The following BAHCC1 variants were observed in gnomAD, a reference collection of about 807,000 sequenced individuals.
BAHCC1 encodes BAH domain and coiled-coil containing 1, also known as BAH and coiled-coil domain-containing protein 1.
In BAHCC1, 43 loss-of-function variants were observed where a neutral mutation model predicts 88.2. That is an observed-to-expected ratio of 0.49 (90% CI 0.38 to 0.63). BAHCC1 has a LOEUF of 0.63. BAHCC1 is among the 20% of genes least tolerant of loss of function. The pLI, the probability that BAHCC1 is intolerant of heterozygous loss-of-function variation, is 0.00. For synonymous variants in BAHCC1, 1,510 were observed against 745.5 expected (o/e 2.03, Z -16.71); for missense variants, 3,023 against 1,654.8 (o/e 1.83, Z -14.34).
intron 3 of BAHCC1, among the ~76,000 whole-genome samples, chr17:81,427,421 C>T (rs1598474024): frequency 6.6e-6 from 1 of 152,158 alleles, no homozygotes; most frequent in Non-Finnish European, 1.5e-5. Flanking sequence ...AGGCTGCCAC[C>T]CAGGGGCCTG....
intron 2 of BAHCC1, among the ~76,000 whole-genome samples, chr17:81,424,702 G>A (rs376504572): frequency 6.6e-6 from 1 of 151,696 alleles, no homozygotes; most frequent in African/African-American, 2.4e-5. Flanking sequence ...GATGTGGTTG[G>A]TGATGATAAT....
chr17:81,438,969 C>G (rs1304308013), intron 4 of BAHCC1, among the ~76,000 whole-genome samples: 2 of 152,100 alleles, frequency 1.3e-5, no homozygotes, highest in East Asian at 3.9e-4. Context: ...CAGCCCCCAG[C>G]CCCCAGCCCC....
chr17:81,422,849 G>T, intron 2 of BAHCC1: 1 of 375,748 alleles, frequency 2.7e-6, no homozygotes, highest in East Asian at 1.0e-4. Context: ...GGGGTGGGAA[G>T]GCCTGGGGGA....
intron 2 of BAHCC1, among the ~76,000 whole-genome samples, chr17:81,418,881 C>G (rs1415589471): frequency 6.6e-6 from 1 of 151,490 alleles, no homozygotes; most frequent in South Asian, 2.1e-4. Flanking sequence ...TGTGTACACC[C>G]ATAGTCACGT....
chr17:81,455,207 G>A (rs1304075907), intron 14 of BAHCC1, 60 bp from the exon 15 acceptor site: 6 of 695,424 alleles, frequency 8.6e-6, no homozygotes, highest in Non-Finnish European at 1.6e-5. Flanking sequence ...GACAGTAGGG[G>A]GACAAGGCTG....
In BAHCC1 at chr17:81,452,009, G is replaced by A. The variant is rs782800762; in HGVS notation, c.4218G>A (p.Thr1406=). 2.5e-5 allele frequency: 16 copies of A among 637,714 alleles called. No homozygotes were observed. The highest frequency in any genetic ancestry group is 8.2e-5 in the East Asian group (3 of 36,410). 39.5% of individuals were successfully genotyped at this position (637,714 alleles called of 1,614,324 possible). The change falls in exon 13 of 28, where the codon ACG becomes ACA. Residue 1406 remains threonine (T), a synonymous_variant. Coordinates refer to ENST00000675386, the MANE Select transcript of BAHCC1 (RefSeq NM_001377448.1). ...AGGCCGCCATCGACCGGCTGGACAC[G>A]CAGGAGGTGGGGATGCGCGTGCGGC... is the stretch of plus-strand genomic sequence containing the variant. The part of the protein sequence containing the change: ...PLKAAIDRLD[T]QEVGMRVRLA...
chr17:81,446,633 C>T (rs574989108), intron 10 of BAHCC1: 6 of 353,216 alleles, frequency 1.7e-5, no homozygotes, highest in African/African-American at 6.5e-5. Context: ...ACTGCAGCCT[C>T]GGCCTCCTGG....
At chr17:81,421,843 CT>C (rs1373814377) in intron 2 of BAHCC1, 13 of 233,044 alleles carry the variant, frequency 5.6e-5, no homozygotes, top group African/African-American at 3.1e-4. Flanking sequence ...ATGGTAGGGT[CT>C]CTCATGGTAG....
rs2064315198 is a variant in BAHCC1 at position 81,434,887 on chromosome 17, T to C, written c.359-3483T>C. Reference sequence around the variant, plus strand: ...CGCAGGAGGGATGAGGGGGATGAGGTACCTGGAGTGGGGGTGCCCGTCAGG... The same window carrying C: ...CGCAGGAGGGATGAGGGGGATGAGGCACCTGGAGTGGGGGTGCCCGTCAGG... On this transcript the variant is annotated intron_variant, in intron 3 of 27. Transcript: ENST00000675386. This position sits in a 1 kb window ranked among gnomAD's most constrained non-coding sequence, Gnocchi z 4.9. Among the ~76,000 whole-genome samples the C allele has an allele frequency of 6.6e-6, 1 of 151,592 alleles. No individual in the cohort carries two copies. The highest frequency in any genetic ancestry group is 2.1e-4 in the South Asian group (1 of 4,824).
At position 81,436,416 on chromosome 17, in the gene BAHCC1, G is replaced by A. The variant is rs183383767; in HGVS notation, c.359-1954G>A. 3.7e-3 allele frequency among the ~76,000 whole-genome samples: 561 copies of A among 152,350 alleles called. 5 individuals carry two copies. Among genetic ancestry groups the A allele is most frequent in the African/African-American group, 0.013 (534 of 41,582 alleles). On this transcript the variant is annotated intron_variant, in intron 3 of 27. Coordinates refer to ENST00000675386, the MANE Select transcript of BAHCC1 (RefSeq NM_001377448.1). ...GGGCTGGAGGCCTGGACCTCTGGAG[G>A]GGGGACCGGGGCTCCGTGCCTGGGA...
intron 1 of BAHCC1, among the ~76,000 whole-genome samples, chr17:81,398,974 C>T (rs782227386): frequency 1.6e-4 from 24 of 151,292 alleles, no homozygotes; most frequent in Non-Finnish European, 2.7e-4. Flanking sequence ...AATAAAATTA[C>T]TCGCTTAATT....
At chr17:81,408,080 C>A (rs2063903395) in intron 2 of BAHCC1, among the ~76,000 whole-genome samples, 1 of 152,232 alleles carries the variant, frequency 6.6e-6, no homozygotes. Context: ...CCTTCCCCGG[C>A]CCCCTTCCTC....
chr17:81,437,358 C>T (rs1297739634), intron 3 of BAHCC1, among the ~76,000 whole-genome samples: 1 of 151,948 alleles, frequency 6.6e-6, no homozygotes, highest in Non-Finnish European at 1.5e-5. Flanking sequence ...TGGGGCTGGG[C>T]GGGTCTGAGT....
intron 19 of BAHCC1, 32 bp downstream of exon 19, chr17:81,458,757 G>A (rs2029965597): frequency 1.3e-6 from 1 of 744,268 alleles, no homozygotes; most frequent in South Asian, 1.4e-5. Context: ...AGCCCACTGT[G>A]CACCCACCTG....
chr17:81,450,364 A>G (rs1469963398), intron 11 of BAHCC1, among the ~76,000 whole-genome samples: 4 of 150,916 alleles, frequency 2.7e-5, no homozygotes, highest in South Asian at 2.1e-4. Context: ...TGAGTCCCCA[A>G]CCTGGGCCCG....
intron 4 of BAHCC1, among the ~76,000 whole-genome samples, chr17:81,439,757 G>A (rs8077507): frequency 0.24 from 37,048 of 151,952 alleles, 5,344 homozygotes; most frequent in East Asian, 0.59. Context: ...CCTGGGAGGC[G>A]GACTAGACAC....
chr17:81,443,818 G>C lies in BAHCC1; in HGVS notation c.2225G>C (p.Gly742Ala). 2.8e-6 allele frequency: 2 copies of C among 711,606 alleles called. No homozygotes were observed. Among genetic ancestry groups the C allele is most frequent in the Non-Finnish European group, 5.2e-6 (2 of 384,754 alleles). 44.1% of individuals were successfully genotyped at this position (711,606 alleles called of 1,614,324 possible). The change falls in exon 6 of 28, where the codon GGG (glycine) becomes GCG (alanine). Residue 742 changes from glycine to alanine, a missense_variant. Transcript: ENST00000675386. ...TCTCGACCCTGTGCAGGTGGCGGTG[G>C]GCCCCGTTCCACACACGCGCTGGAC... ...RAAPAFKGGG[G>A]PRSTHALDLE...
chr17:81,442,807 C>T lies in BAHCC1; in HGVS notation c.1458C>T (p.Ser486=), dbSNP rs546281324. The T allele has an allele frequency of 1.2e-5, 9 of 779,604 alleles. No homozygotes were observed. The highest frequency in any genetic ancestry group is 4.0e-5 in the South Asian group (3 of 74,628). 48.3% of individuals were successfully genotyped at this position (779,604 alleles called of 1,614,324 possible). The stretch of plus-strand genomic sequence containing the variant: ...CCTCCTTCCCCGGACTCCCTAAAAG[C>T]GGTCTGGACAAAAGCGGCTACTTCG... ...PEASFPGLPK[S]GLDKSGYFEL... Residue 486 remains serine, a synonymous_variant, in exon 5 of 28, where the codon AGC becomes AGT. Transcript: ENST00000675386.
intron 14 of BAHCC1, 86 bp from the exon 15 acceptor site, chr17:81,455,181 T>C (rs1278506973): frequency 4.5e-6 from 3 of 666,678 alleles, no homozygotes; most frequent in Admixed American, 2.1e-5. Context: ...TGACCCACAG[T>C]GTGACCCACT....
Sources: allele counts gnomAD v4.1 joint callset (sites outside exome capture counted in the v4.1 genomes callset), GRCh38; gene constraint gnomAD v4.1.1; non-coding constraint Gnocchi (gnomAD v3.1); transcripts MANE v1.5; gene names NCBI Gene and HGNC (gene_info 2026-07-23, HGNC 2026-07-21).